Variants in ATG14 observed in about 807,000 individuals in gnomAD.
ATG14 encodes the protein beclin 1-associated autophagy-related key regulator.
ATG14 carries 35 observed loss-of-function variants against 60.4 expected under a neutral mutation model. The observed-to-expected ratio is 0.58, with a 90% confidence interval of 0.44 to 0.77. The LOEUF (loss-of-function observed/expected upper bound fraction) is 0.77. Among genes scored for constraint, ATG14 ranks in the 30% least tolerant of loss-of-function variants. The pLI is 0.00. For missense variants in ATG14, 647 were observed against 626.3 expected, an observed-to-expected ratio of 1.03 and a Z score of -0.35; for synonymous variants, 234 against 228.8, an observed-to-expected ratio of 1.02 and a Z score of -0.21.
rs1172731837 is a variant in ATG14, at chr14:55,368,979, G to C, written c.*640C>G. The C allele has an allele frequency of 6.6e-6, 1 of 152,544 alleles. No homozygotes were observed. The highest frequency in any genetic ancestry group is 1.5e-5 in the Non-Finnish European group (1 of 68,006). The allele number at this position is 152,544 out of a possible 1,614,324, so 9.4% of individuals were successfully genotyped here. On this transcript the variant is annotated 3_prime_UTR_variant, in exon 10 of 10. Transcript: ENST00000247178. ...TATGGATGTGGGTCCTAAAGAAAAAGACTTTCATTTTCTTTGGTGTGTGGG... is the reference window on the plus strand; with the variant it reads ...TATGGATGTGGGTCCTAAAGAAAAACACTTTCATTTTCTTTGGTGTGTGGG...
At position 55,382,270 on chromosome 14, in the gene ATG14, GA is replaced by G; in HGVS notation, c.648-80del. The G allele has an allele frequency of 2.3e-6, 3 of 1,316,794 alleles. No individual in the cohort carries two copies. In the South Asian group the frequency reaches 3.7e-5, roughly 16 times the overall value. The allele number at this position is 1,316,794 out of a possible 1,614,324, so 81.6% of individuals were successfully genotyped here. A position where few individuals can be genotyped will look rare whatever the true frequency, so the allele number is the denominator to read the frequency against. ...TGCAATATAACTGCAAGACATGCTA[GA>G]ACATCGAAAAGCTGCCTATGAGCAC... On this transcript the variant is annotated intron_variant, in intron 5 of 9. Coordinates refer to ENST00000247178, the MANE Select transcript of ATG14 (RefSeq NM_014924.5).
chr14:55,406,442 C>T (rs1315343565), intron 1 of ATG14, among the ~76,000 whole-genome samples: 1 of 152,138 alleles, frequency 6.6e-6, no homozygotes, highest in Non-Finnish European at 1.5e-5. Context: ...AGTCTAAAGG[C>T]AATCACAGAA....
At position 55,367,744 on chromosome 14, in the gene ATG14, CAAA is replaced by C. The variant is rs139279146; in HGVS notation, c.*1872_*1874del. ...GGGCAGCTGAGTGAGACTCCGTCTC[CAAA>C]AAAAAAAAAGACCACCCACAACGAG... On this transcript the variant is annotated 3_prime_UTR_variant, in exon 10 of 10. Transcript: ENST00000247178. 5 of 142,128 alleles carry C rather than the reference CAAA, an allele frequency of 3.5e-5. No homozygotes were observed. Among genetic ancestry groups the C allele is most frequent in the East Asian group, 2.1e-4 (1 of 4,836 alleles). 8.8% of individuals were successfully genotyped at this position (142,128 alleles called of 1,614,324 possible).
rs1336670488 is a variant in ATG14, at chr14:55,402,968, T to TATATATAA, written c.222-5535_222-5534insTTATATAT. Among the ~76,000 whole-genome samples the TATATATAA allele has an allele frequency of 1.1e-4, 7 of 60,986 alleles. No individual in the cohort carries two copies. In the East Asian group the frequency reaches 1.5e-3, roughly 13 times the overall value. The allele number at this position is 60,986 out of a possible 152,430, so 40.0% of individuals were successfully genotyped here. ...ATATATATATATATATATATATATA[T>TATATATAA]AAATAGCTGGGCATAGTGGTGCATG... On this transcript the variant is annotated intron_variant, in intron 1 of 9. Transcript: ENST00000247178.
chr14:55,376,777 C>A (rs1884925955), intron 9 of ATG14, among the ~76,000 whole-genome samples: 1 of 152,130 alleles, frequency 6.6e-6, no homozygotes, highest in Admixed American at 6.5e-5. Flanking sequence ...AAATATATAA[C>A]CATATCACAT....
chr14:55,396,629 A>T (rs747802065), intron 2 of ATG14, among the ~76,000 whole-genome samples: 6 of 152,196 alleles, frequency 3.9e-5, no homozygotes, highest in Non-Finnish European at 5.9e-5. Flanking sequence ...CAAAAGAGAC[A>T]ACCCTTTTAG....
chr14:55,367,305 C>CTCTT lies in ATG14; in HGVS notation c.*2310_*2313dup, dbSNP rs1884701304. 1 of 152,214 alleles carries CTCTT rather than the reference C, an allele frequency of 6.6e-6. No individual in the cohort carries two copies. Among genetic ancestry groups the CTCTT allele is most frequent in the East Asian group, 1.9e-4 (1 of 5,196 alleles). 9.4% of individuals were successfully genotyped at this position (152,214 alleles called of 1,614,324 possible). A position where few individuals can be genotyped will look rare whatever the true frequency, so the allele number is the denominator to read the frequency against. ...CTGAGGGTTTTAAGTAGCTAGACAA[C>CTCTT]TCTTACAAGATCGTTAAGTTTATTT... On this transcript the variant is annotated 3_prime_UTR_variant, in exon 10 of 10. Transcript: ENST00000247178.
intron 3 of ATG14, chr14:55,395,084 CT>C: frequency 6.0e-6 from 3 of 503,540 alleles, no homozygotes; most frequent in East Asian, 5.7e-5. Flanking sequence ...TTTGTTTGCA[CT>C]TTTTTGTCTG....
chr14:55,371,094 C>T (rs566581995), intron 9 of ATG14, among the ~76,000 whole-genome samples: 8 of 152,234 alleles, frequency 5.3e-5, no homozygotes, highest in East Asian at 1.9e-4. Context: ...ACCAAGGTGC[C>T]GCTCTCTCCC....
rs1054589632 is a variant in ATG14 at position 55,368,223 on chromosome 14, ATTCT to A, written c.*1392_*1395del. The A allele has an allele frequency of 4.6e-5, 7 of 152,162 alleles. No individual in the cohort carries two copies. Among genetic ancestry groups the A allele is most frequent in the African/African-American group, 9.7e-5 (4 of 41,162 alleles). 9.4% of individuals were successfully genotyped at this position (152,162 alleles called of 1,614,324 possible). On this transcript the variant is annotated 3_prime_UTR_variant, in exon 10 of 10. Transcript: ENST00000247178. ...TGAAAATGATCTCCTGCTGAGGGAAATTCTTTTTTTTTTTGAGACGGAGTTTCGC... is the reference window on the plus strand; with the variant it reads ...TGAAAATGATCTCCTGCTGAGGGAAATTTTTTTTTTGAGACGGAGTTTCGC...
intron 7 of ATG14, 45 bp downstream of exon 7, chr14:55,380,528 G>T (rs752815944): frequency 1.6e-6 from 2 of 1,276,958 alleles, no homozygotes; most frequent in East Asian, 2.3e-5. Context: ...ATAGAAACTT[G>T]AAAGAGCCAT....
At chr14:55,380,876 T>TA (rs1555341864) in intron 6 of ATG14, among the ~76,000 whole-genome samples, 186 bp from the exon 7 acceptor site, 2,288 of 84,116 alleles carry the variant, frequency 0.027, 55 homozygotes, top group African/African-American at 0.11. Context: ...TATATATATA[T>TA]TTTTTTTTTT....
At chr14:55,398,049 G>GC in intron 1 of ATG14, among the ~76,000 whole-genome samples, 1 of 147,022 alleles carries the variant, frequency 6.8e-6, no homozygotes, top group Non-Finnish European at 1.5e-5. Flanking sequence ...CTGGGCTCAC[G>GC]CCATTCTCCC....
intron 4 of ATG14, among the ~76,000 whole-genome samples, chr14:55,390,574 T>C (rs370023945): frequency 1.3e-5 from 2 of 151,990 alleles, no homozygotes; most frequent in East Asian, 1.9e-4. Context: ...AGTTTCACCA[T>C]GTTAGTCAGG....
rs935785796 is a variant in ATG14 at position 55,398,859 on chromosome 14, A to G, written c.222-1425T>C. On this transcript the variant is annotated intron_variant, in intron 1 of 9. Transcript: ENST00000247178. ...TGCTTAATAAGGGCATGGACAAAAA[A>G]AAAAAAATTGTATGACTAACATCAT... 2.6e-5 allele frequency among the ~76,000 whole-genome samples: 4 copies of G among 152,104 alleles called. 1 individual carries two copies. The South Asian group carries it at 8.3e-4, about 32-fold the overall frequency.
intron 1 of ATG14, among the ~76,000 whole-genome samples, chr14:55,401,648 A>AT (rs1024377245): frequency 4.0e-5 from 6 of 151,488 alleles, no homozygotes; most frequent in Non-Finnish European, 7.4e-5. Flanking sequence ...ATGACTTATG[A>AT]TTTTTTTTTC....
intron 5 of ATG14, among the ~76,000 whole-genome samples, chr14:55,383,304 A>G (rs1396172670): frequency 6.6e-6 from 1 of 152,214 alleles, no homozygotes; most frequent in East Asian, 1.9e-4. Context: ...TAATCCCAGC[A>G]CTTTGGAAGG....
rs202044690 is a variant in ATG14 at position 55,390,931 on chromosome 14, C to T, written c.389G>A (p.Gly130Glu). ...CTTACTTTTCTCCATTTCTTCATTT[C>T]CTTTACATATTGTTTGTTTTAACTG... ...IEQLKQTICK[G>E]NEEMEKNSEG... The change falls in exon 4 of 10, where the codon GGA (glycine) becomes GAA (glutamate). Residue 130 changes from glycine to glutamate, a missense_variant. Coordinates refer to ENST00000247178, the MANE Select transcript of ATG14 (RefSeq NM_014924.5). 119 of 1,601,744 alleles carry T rather than the reference C, an allele frequency of 7.4e-5. No homozygotes were observed. Among genetic ancestry groups the T allele is most frequent in the Admixed American group, 4.4e-4 (26 of 58,886 alleles).
intron 1 of ATG14, among the ~76,000 whole-genome samples, chr14:55,406,500 G>A (rs1335642563): frequency 6.6e-6 from 1 of 152,196 alleles, no homozygotes; most frequent in Non-Finnish European, 1.5e-5. Context: ...CAATCAACCT[G>A]TGGCCCTCAG....
Sources: gnomAD v4.1 joint callset for allele counts (sites outside exome capture counted in the v4.1 genomes callset) on GRCh38, gnomAD v4.1.1 for gene constraint, MANE v1.5 for transcripts, NCBI Gene and HGNC (gene_info 2026-07-23, HGNC 2026-07-21) for gene names.